The following SUPT3H variants were observed in gnomAD, a reference collection of about 807,000 sequenced individuals.
The protein encoded by SUPT3H is SPT3 homolog, SAGA and STAGA complex component.
SUPT3H carries 44 observed loss-of-function variants against 44.3 expected under a neutral mutation model. The observed-to-expected ratio is 0.99, with a 90% CI of 0.78 to 1.28. The LOEUF is 1.28. Among genes scored for constraint, SUPT3H ranks in the 50% most tolerant of loss-of-function variants. The pLI is 0.00. For missense variants in SUPT3H, 380 were observed against 387.1 expected, an observed-to-expected ratio of 0.98 and a Z score of 0.15; for synonymous variants, 124 against 125.6, an observed-to-expected ratio of 0.99 and a Z score of 0.09.
intron 6 of SUPT3H, among the ~76,000 whole-genome samples, chr6:44,997,571 T>C (rs1314988651): frequency 1.3e-5 from 2 of 151,870 alleles, no homozygotes; most frequent in South Asian, 2.1e-4. Flanking sequence ...ACTTTTTACA[T>C]TGATGCTCAA....
At chr6:44,906,365 A>T (rs969052088) in intron 10 of SUPT3H, among the ~76,000 whole-genome samples, 1 of 152,164 alleles carries the variant, frequency 6.6e-6, no homozygotes, top group African/African-American at 2.4e-5. Flanking sequence ...TAAAGGTGGG[A>T]AATGATGGCT....
rs752201958 is a variant in SUPT3H, at chr6:45,014,815, T to C, written c.350A>G (p.Asp117Gly). Reference protein sequence around the residue: ...KSKIVKGIDEDDLLEDKLSGS... With the variant: ...KSKIVKGIDEGDLLEDKLSGS... Reference sequence around the variant, plus strand: ...GTTTTGGTTACCTTCGAGAAGATCATCCTCATCGATGCCTTTGACAATCTT... The same window carrying C: ...GTTTTGGTTACCTTCGAGAAGATCACCCTCATCGATGCCTTTGACAATCTT... The change falls in exon 5 of 11, where the codon GAT (aspartate) becomes GGT (glycine). Residue 117 changes from aspartate (D) to glycine (G), a missense_variant. Coordinates refer to ENST00000371459, the MANE Select transcript of SUPT3H (RefSeq NM_003599.4). The C allele has an allele frequency of 1.1e-5, 17 of 1,590,926 alleles. No homozygotes were observed. The highest frequency in any genetic ancestry group is 2.3e-5 in the East Asian group (1 of 43,856).
intron 2 of SUPT3H, among the ~76,000 whole-genome samples, chr6:45,282,781 T>C (rs1419736436): frequency 6.6e-6 from 1 of 151,904 alleles, no homozygotes; most frequent in Non-Finnish European, 1.5e-5. Flanking sequence ...GACACATAAT[T>C]GTCAGATTCA....
intron 2 of SUPT3H, among the ~76,000 whole-genome samples, chr6:45,341,564 C>CTA (rs1789781510): frequency 6.6e-6 from 1 of 152,136 alleles, no homozygotes; most frequent in Non-Finnish European, 1.5e-5. Context: ...TCATTAGAAA[C>CTA]ATCCACTGAA....
At chr6:45,255,426 T>G (rs1773199203) in intron 2 of SUPT3H, among the ~76,000 whole-genome samples, 1 of 150,168 alleles carries the variant, frequency 6.7e-6, no homozygotes, top group South Asian at 2.1e-4. Flanking sequence ...AGGTTTTTTT[T>G]TTTTTTTTTT....
intron 2 of SUPT3H, among the ~76,000 whole-genome samples, chr6:45,144,828 G>T (rs1465973132): frequency 6.6e-6 from 1 of 151,988 alleles, no homozygotes; most frequent in Non-Finnish European, 1.5e-5. Context: ...AGTAGTTTCA[G>T]GATACAAAAC....
intron 2 of SUPT3H, among the ~76,000 whole-genome samples, chr6:45,205,955 A>T (rs1317902662): frequency 6.6e-6 from 1 of 152,172 alleles, no homozygotes; most frequent in Non-Finnish European, 1.5e-5. Flanking sequence ...CTTAAAATTC[A>T]ACAATTATGA....
intron 6 of SUPT3H, among the ~76,000 whole-genome samples, chr6:44,974,019 C>A (rs968326179): frequency 2.0e-5 from 3 of 152,120 alleles, no homozygotes; most frequent in Admixed American, 2.0e-4. Flanking sequence ...ATTGCTATAA[C>A]AGACTCCTAA....
At chr6:45,269,004 T>C (rs1395598691) in intron 2 of SUPT3H, among the ~76,000 whole-genome samples, 2 of 152,188 alleles carry the variant, frequency 1.3e-5, no homozygotes, top group Non-Finnish European at 1.5e-5. Flanking sequence ...ATGAACATTA[T>C]AACTGAAGGT....
intron 3 of SUPT3H, among the ~76,000 whole-genome samples, chr6:45,086,311 T>C (rs932434003): frequency 6.6e-6 from 1 of 152,042 alleles, no homozygotes; most frequent in Non-Finnish European, 1.5e-5. Context: ...TAAAATCGGA[T>C]ATTAATCGAC....
rs750547355 is a variant in SUPT3H at position 44,904,781 on chromosome 6, T to C, written c.912+27872A>G. ...CTGACTTCAAACTATACTACAAGGC[T>C]ACAGTAACCAAAACAGCATGGTACT... On this transcript the variant is annotated intron_variant, in intron 10 of 10. Transcript: ENST00000371459. 6.9e-4 allele frequency among the ~76,000 whole-genome samples: 105 copies of C among 152,306 alleles called. 1 individual carries two copies. The highest frequency in any genetic ancestry group is 1.0e-3 in the Non-Finnish European group (69 of 68,040).
At chr6:44,847,408 C>T (rs569334308) in intron 10 of SUPT3H, among the ~76,000 whole-genome samples, 63 of 152,202 alleles carry the variant, frequency 4.1e-4, no homozygotes, top group Non-Finnish European at 6.9e-4. Flanking sequence ...GTATACCTAT[C>T]GCCACTTGAC....
At chr6:44,929,075 A>C (rs922319475) in intron 10 of SUPT3H, among the ~76,000 whole-genome samples, 1 of 151,068 alleles carries the variant, frequency 6.6e-6, no homozygotes, top group African/African-American at 2.4e-5. Flanking sequence ...TGTACTTCCT[A>C]CTCCAGGAGC....
chr6:45,195,165 C>T (rs917642557), intron 2 of SUPT3H, among the ~76,000 whole-genome samples: 1 of 151,952 alleles, frequency 6.6e-6, no homozygotes, highest in South Asian at 2.1e-4. Flanking sequence ...TAGCTTAATA[C>T]AAAATAATGG....
chr6:44,898,970 A>G (rs1370964721), intron 10 of SUPT3H: 2 of 152,196 alleles, frequency 1.3e-5, no homozygotes, highest in Non-Finnish European at 2.9e-5. Flanking sequence ...AAATAAGAAG[A>G]CTTGAAAACT....
At chr6:45,088,723 G>A (rs909305671) in intron 3 of SUPT3H, among the ~76,000 whole-genome samples, 1 of 151,922 alleles carries the variant, frequency 6.6e-6, no homozygotes, top group Non-Finnish European at 1.5e-5. Flanking sequence ...ATTACCAAAT[G>A]AGAATATACC....
At chr6:44,817,692 GAAT>G (rs1365412904) in intron 11 of SUPT3H, among the ~76,000 whole-genome samples, 1 of 151,618 alleles carries the variant, frequency 6.6e-6, no homozygotes, top group African/African-American at 2.4e-5. Context: ...GAAATAAAAT[GAAT>G]AATGAATAAT....
intron 2 of SUPT3H, among the ~76,000 whole-genome samples, chr6:45,320,487 C>A (rs1785319721): frequency 6.6e-6 from 1 of 151,598 alleles, no homozygotes; most frequent in Admixed American, 6.6e-5. Context: ...CCATGTTGCC[C>A]AGGCTGGTCT....
At chr6:45,019,747 T>A (rs1784845531) in intron 4 of SUPT3H, among the ~76,000 whole-genome samples, 1 of 152,026 alleles carries the variant, frequency 6.6e-6, no homozygotes, top group Non-Finnish European at 1.5e-5. Flanking sequence ...TAAAAAATCC[T>A]ACAGTCTCTC....
Sources: gnomAD v4.1 joint callset for allele counts (sites outside exome capture counted in the v4.1 genomes callset) on GRCh38, gnomAD v4.1.1 for gene constraint, MANE v1.5 for transcripts, NCBI Gene and HGNC (gene_info 2026-07-23, HGNC 2026-07-21) for gene names.